DLGAP5: variants seen among roughly 807,000 people sequenced by gnomAD.
The protein encoded by DLGAP5 is DLG associated protein 5, also known as disks large-associated protein 5.
A neutral mutation model predicts 99.6 loss-of-function variants in DLGAP5; 90 were observed. The observed-to-expected ratio is 0.90, with a 90% CI of 0.76 to 1.08. DLGAP5 has a LOEUF of 1.08. DLGAP5 is among the 50% of genes least tolerant of loss of function. DLGAP5 has a pLI of 0.00. For synonymous variants in DLGAP5, 311 were observed against 321.3 expected, an observed-to-expected ratio of 0.97 and a Z score of 0.34; for missense variants, 1,036 against 983.5, an observed-to-expected ratio of 1.05 and a Z score of -0.71.
At chr14:55,153,630 C>A (rs1302186366) in intron 15 of DLGAP5, among the ~76,000 whole-genome samples, 1 of 152,050 alleles carries the variant, frequency 6.6e-6, no homozygotes, top group South Asian at 2.1e-4. Context: ...CTTTACTTTG[C>A]CTTTATTACA....
chr14:55,163,499 G>A (rs183152294), intron 12 of DLGAP5, among the ~76,000 whole-genome samples: 24 of 152,212 alleles, frequency 1.6e-4, no homozygotes, highest in Non-Finnish European at 2.1e-4. Flanking sequence ...AAAAACATCC[G>A]TGTGCAGGTT....
rs914751950 is a variant in DLGAP5, at chr14:55,148,143, A to C, written c.*208T>G. On this transcript the variant is annotated 3_prime_UTR_variant, in exon 19 of 19. Coordinates refer to ENST00000247191, the MANE Select transcript of DLGAP5 (RefSeq NM_014750.5). The stretch of plus-strand genomic sequence containing the variant: ...AAACAAGAGAGGCAAGGCACAGTAC[A>C]TTTTTTATTCTGTGTTGAAAATGTA... 1 of 552,376 alleles carries C rather than the reference A, an allele frequency of 1.8e-6. No individual in the cohort carries two copies. Among genetic ancestry groups the C allele is most frequent in the African/African-American group, 1.9e-5 (1 of 51,946 alleles). The allele number at this position is 552,376 out of a possible 1,614,324, so 34.2% of individuals were successfully genotyped here. A position where few individuals can be genotyped will look rare whatever the true frequency, so the allele number is the denominator to read the frequency against.
chr14:55,160,048 CAAA>C (rs1047940192), intron 13 of DLGAP5, among the ~76,000 whole-genome samples: 18 of 151,920 alleles, frequency 1.2e-4, no homozygotes, highest in African/African-American at 4.3e-4. Context: ...ACTAAAAATA[CAAA>C]AAATTAGCTG....
At position 55,189,171 on chromosome 14, in the gene DLGAP5, T is replaced by A; in HGVS notation, c.9A>T (p.Ser3=). ...TCCTGTGTCGACTGGCAAAATGTGA[T>A]GAAGACATCCTGTCAAGGAAAAGGA... MS[S]SHFASRHRKD... is the part of the protein sequence containing the mutation. Residue 3 remains serine, a synonymous_variant, in exon 2 of 19, where the codon TCA becomes TCT. Coordinates refer to ENST00000247191, the MANE Select transcript of DLGAP5 (RefSeq NM_014750.5). 1 of 1,612,334 alleles carries A rather than the reference T, an allele frequency of 6.2e-7. No individual in the cohort carries two copies.
At chr14:55,166,879 T>TAA (rs1334737097) in intron 12 of DLGAP5, among the ~76,000 whole-genome samples, 4 of 141,432 alleles carry the variant, frequency 2.8e-5, no homozygotes, top group Non-Finnish European at 3.1e-5. Context: ...CTTTTGTGTT[T>TAA]AAAAAAAAAA....
intron 15 of DLGAP5, 111 bp downstream of exon 15, chr14:55,154,506 T>C: frequency 1.2e-6 from 1 of 864,820 alleles, no homozygotes; most frequent in Non-Finnish European, 1.8e-6. Context: ...TGCAGGGTCA[T>C]TATGAAATTT....
chr14:55,154,958 G>A (rs913142137), intron 14 of DLGAP5, 152 bp from the exon 15 acceptor site: 27 of 658,660 alleles, frequency 4.1e-5, no homozygotes, highest in Non-Finnish European at 6.1e-5. Flanking sequence ...GTTAAAGATA[G>A]TATTTAAATG....
intron 2 of DLGAP5, among the ~76,000 whole-genome samples, chr14:55,188,106 C>T (rs1310603822): frequency 6.6e-6 from 1 of 152,292 alleles, no homozygotes; most frequent in East Asian, 1.9e-4. Flanking sequence ...ACCACCCTTT[C>T]TCAGATAAAA....
chr14:55,166,158 A>T (rs1882634651), intron 12 of DLGAP5, among the ~76,000 whole-genome samples: 1 of 152,242 alleles, frequency 6.6e-6, no homozygotes. Flanking sequence ...AATGACCATC[A>T]ATTGGTGAAT....
Position 55,148,433 on chromosome 14 carries a change from C to T in DLGAP5, c.2459G>A (p.Arg820Lys). ...NCSNPFTQLE[R>K]RHQEHARHIS... The stretch of plus-strand genomic sequence containing the variant: ...GTGTCTGGCATGTTCTTGATGTCTC[C>T]TCTCCAGCTGAGTAAATGGATTACT... Residue 820 changes from arginine (R) to lysine (K), a missense_variant, in exon 19 of 19, where the codon AGG (arginine) becomes AAG (lysine). Coordinates refer to ENST00000247191, the MANE Select transcript of DLGAP5 (RefSeq NM_014750.5). The T allele has an allele frequency of 6.2e-7, 1 of 1,614,182 alleles. No individual in the cohort carries two copies. Among genetic ancestry groups the T allele is most frequent in the Non-Finnish European group, 8.5e-7 (1 of 1,180,030 alleles).
intron 11 of DLGAP5, 62 bp from the exon 12 acceptor site, chr14:55,169,621 G>C: frequency 7.2e-7 from 1 of 1,381,750 alleles, no homozygotes; most frequent in Non-Finnish European, 9.5e-7. Context: ...TTGCAAGTCA[G>C]CCCACTGATA....
intron 18 of DLGAP5, 24 bp from the exon 19 acceptor site, chr14:55,148,497 C>A: frequency 6.2e-7 from 1 of 1,613,600 alleles, no homozygotes; most frequent in South Asian, 1.1e-5. Flanking sequence ...CCAGAGAAGT[C>A]AGTAAAGTAT....
chr14:55,189,370 G>T (rs1303617461), intron 1 of DLGAP5, among the ~76,000 whole-genome samples, 190 bp from the exon 2 acceptor site: 2 of 152,160 alleles, frequency 1.3e-5, no homozygotes, highest in African/African-American at 4.8e-5. Context: ...CTATTTGGGG[G>T]TTTTAAATAG....
At chr14:55,159,485 A>C (rs1307976014) in intron 13 of DLGAP5, among the ~76,000 whole-genome samples, 1 of 152,190 alleles carries the variant, frequency 6.6e-6, no homozygotes, top group Non-Finnish European at 1.5e-5. Context: ...AATTGAGAGG[A>C]CTTACTCATC....
In DLGAP5 at chr14:55,158,475, G is replaced by C. The variant is rs111324853; in HGVS notation, c.1873+47C>G. 4.3e-3 allele frequency: 6,506 copies of C among 1,513,036 alleles called. 163 individuals carry two copies. In the African/African-American group the frequency reaches 0.062, roughly 14 times the overall value. The allele number at this position is 1,513,036 out of a possible 1,614,324, so 93.7% of individuals were successfully genotyped here. A position where few individuals can be genotyped will look rare whatever the true frequency, so the allele number is the denominator to read the frequency against. On this transcript the variant is annotated intron_variant, in intron 14 of 18. Coordinates refer to ENST00000247191, the MANE Select transcript of DLGAP5 (RefSeq NM_014750.5). ...CATCTATCCCAAATATTTCTCTTAAGTAGTCTCAGGAAAAACAAAAAAAAT... is the reference window on the plus strand; with the variant it reads ...CATCTATCCCAAATATTTCTCTTAACTAGTCTCAGGAAAAACAAAAAAAAT...
At chr14:55,160,739 G>A (rs527946372) in intron 13 of DLGAP5, among the ~76,000 whole-genome samples, 4 of 152,172 alleles carry the variant, frequency 2.6e-5, no homozygotes, top group African/African-American at 9.6e-5. Context: ...CACCACGCCT[G>A]GCCTAGAAGA....
rs1491413456 is a variant in DLGAP5, at chr14:55,169,570, TAA to T, written c.1388-13_1388-12del. ...GAATAAGATCTTTAGCTGAAGGAAA[TAA>T]GAGATTTTTTAAAATTAAAGGACAA... On this transcript the variant is annotated splice_polypyrimidine_tract_variant and intron_variant, in intron 11 of 18. Coordinates refer to ENST00000247191, the MANE Select transcript of DLGAP5 (RefSeq NM_014750.5). 1.3e-5 allele frequency: 21 copies of T among 1,574,874 alleles called. No individual in the cohort carries two copies. The Admixed American group carries it at 4.3e-4, about 32-fold the overall frequency.
intron 12 of DLGAP5, among the ~76,000 whole-genome samples, chr14:55,163,813 T>C (rs1350842858): frequency 2.0e-5 from 3 of 152,238 alleles, no homozygotes; most frequent in Non-Finnish European, 4.4e-5. Flanking sequence ...GTATTTGCCA[T>C]CTGTATATCT....
In DLGAP5 at chr14:55,150,179, C is replaced by T. The variant is rs975393360; in HGVS notation, c.2418+620G>A. ...CAAAGGTATGAATCAGACAGCTCTA[C>T]CTAATGTGGAATTTACAGTTAATAA... On this transcript the variant is annotated intron_variant, in intron 18 of 18. Transcript: ENST00000247191. 3 of 152,186 alleles carry T rather than the reference C, an allele frequency of 2.0e-5. No individual in the cohort carries two copies. In the East Asian group the frequency reaches 5.8e-4, roughly 29 times the overall value. 9.4% of individuals were successfully genotyped at this position (152,186 alleles called of 1,614,324 possible). A position where few individuals can be genotyped will look rare whatever the true frequency, so the allele number is the denominator to read the frequency against.
Sources: gnomAD v4.1 joint callset for allele counts (sites outside exome capture counted in the v4.1 genomes callset) on GRCh38, gnomAD v4.1.1 for gene constraint, MANE v1.5 for transcripts, NCBI Gene and HGNC (gene_info 2026-07-23, HGNC 2026-07-21) for gene names.